The following MYLK variants were observed in gnomAD, a reference collection of about 807,000 sequenced individuals.
The protein encoded by MYLK is myosin light chain kinase.
A neutral mutation model predicts 203.4 loss-of-function variants in MYLK; 106 were observed. The observed-to-expected ratio is 0.52, with a 90% CI of 0.45 to 0.61. MYLK has a LOEUF of 0.61. Ranked by LOEUF, MYLK falls within the 20% of genes least tolerant of loss-of-function variation. MYLK has a pLI of 0.00. For synonymous variants in MYLK, 867 were observed against 959.5 expected, an observed-to-expected ratio of 0.90 and a Z score of 1.78; for missense variants, 2,072 against 2,442.3, an observed-to-expected ratio of 0.85 and a Z score of 3.20.
chr3:123,682,013 C>T (rs1047631075), intron 20 of MYLK: 1 of 631,186 alleles, frequency 1.6e-6, no homozygotes, highest in Non-Finnish European at 2.9e-6. Flanking sequence ...TGGAGACAGG[C>T]TGGAGAGAGC....
intron 23 of MYLK, among the ~76,000 whole-genome samples, chr3:123,661,887 G>T (rs1225786906): frequency 6.6e-6 from 1 of 152,188 alleles, no homozygotes; most frequent in East Asian, 1.9e-4. Flanking sequence ...TCGGGCCAGG[G>T]TGTGGAACCT....
At chr3:123,623,723 A>T (rs1475489918) in intron 31 of MYLK, 1 of 152,242 alleles carries the variant, frequency 6.6e-6, no homozygotes, top group African/African-American at 2.4e-5. Context: ...TGCAAGAGGG[A>T]ACCCTCATAT....
chr3:123,691,234 C>A (rs1255131958), intron 19 of MYLK: 1 of 152,134 alleles, frequency 6.6e-6, no homozygotes, highest in Non-Finnish European at 1.5e-5. Flanking sequence ...CTTTACAGTG[C>A]AGCACCTGTA....
At chr3:123,701,237 C>A (rs1340128933) in intron 17 of MYLK, among the ~76,000 whole-genome samples, 199 of 116,126 alleles carry the variant, frequency 1.7e-3, no homozygotes, top group Admixed American at 2.2e-3. Flanking sequence ...AGGGTGTGTG[C>A]AAAAAAAAAA....
In MYLK at chr3:123,671,599, C is replaced by T. The variant is rs2059914827; in HGVS notation, c.3653-4412G>A. On this transcript the variant is annotated intron_variant, in intron 20 of 33. Coordinates refer to ENST00000360304, the MANE Select transcript of MYLK (RefSeq NM_053025.4). Reference sequence around the variant, plus strand: ...GGGACAGCATGGTCCAAAGTCACCCCAGAGGAGATTCTTGAGCAAACAGTG... The same window carrying T: ...GGGACAGCATGGTCCAAAGTCACCCTAGAGGAGATTCTTGAGCAAACAGTG... Among the ~76,000 whole-genome samples the T allele has an allele frequency of 3.9e-5, 6 of 152,240 alleles. No individual in the cohort carries two copies. The South Asian group carries it at 1.2e-3, about 32-fold the overall frequency.
At chr3:123,715,918 CAACACAT>C (rs2061875848) in intron 13 of MYLK, 1 of 152,220 alleles carries the variant, frequency 6.6e-6, no homozygotes, top group Admixed American at 6.5e-5. Flanking sequence ...AATTTGCATT[CAACACAT>C]GTTTGCCTTA....
At chr3:123,818,174 G>A (rs771990347) in intron 3 of MYLK, among the ~76,000 whole-genome samples, 11 of 152,148 alleles carry the variant, frequency 7.2e-5, no homozygotes, top group Admixed American at 1.3e-4. Context: ...ATGCCTCCCC[G>A]TAAATGGACC....
intron 3 of MYLK, among the ~76,000 whole-genome samples, chr3:123,811,846 A>G (rs2065571751): frequency 6.6e-6 from 1 of 152,198 alleles, no homozygotes; most frequent in Non-Finnish European, 1.5e-5. Flanking sequence ...GTGATTGATT[A>G]GGCCAGAAAG....
chr3:123,683,172 C>T (rs1468560977), intron 19 of MYLK, among the ~76,000 whole-genome samples: 2 of 152,180 alleles, frequency 1.3e-5, no homozygotes, highest in African/African-American at 4.8e-5. Flanking sequence ...AGCACTTTCA[C>T]TGGCCTTCCT....
intron 16 of MYLK, among the ~76,000 whole-genome samples, chr3:123,702,333 G>A (rs1406213210): frequency 2.0e-5 from 3 of 152,302 alleles, no homozygotes; most frequent in African/African-American, 2.4e-5. Flanking sequence ...GCAGGTCTGC[G>A]AGCCAGAGGT....
intron 3 of MYLK, among the ~76,000 whole-genome samples, chr3:123,820,668 T>TTCCTTCCC (rs2065902782): frequency 5.8e-5 from 8 of 139,030 alleles, no homozygotes; most frequent in Admixed American, 2.3e-4. Flanking sequence ...CCTTCCCTCC[T>TTCCTTCCC]TCCTTCCTTC....
intron 2 of MYLK, among the ~76,000 whole-genome samples, chr3:123,868,995 T>C (rs2032547154): frequency 6.6e-6 from 1 of 152,148 alleles, no homozygotes; most frequent in African/African-American, 2.4e-5. Flanking sequence ...GGTGACAAAA[T>C]TGGAACTTTA....
intron 31 of MYLK, 169 bp from the exon 32 acceptor site, chr3:123,620,505 G>C (rs1576322210): frequency 1.3e-6 from 2 of 1,504,796 alleles, no homozygotes; most frequent in African/African-American, 2.8e-5. Context: ...ACCTTGCTCT[G>C]CTCAGCACTG....
chr3:123,734,291 T>A, intron 9 of MYLK, 69 bp from the exon 10 acceptor site: 1 of 1,405,382 alleles, frequency 7.1e-7, no homozygotes, highest in Non-Finnish European at 9.5e-7. Flanking sequence ...ATCTGGTTAC[T>A]CACAAATATT....
intron 4 of MYLK, among the ~76,000 whole-genome samples, chr3:123,758,244 T>G (rs1192817956): frequency 6.6e-6 from 1 of 152,168 alleles, no homozygotes; most frequent in Non-Finnish European, 1.5e-5. Flanking sequence ...GGCAGGCACT[T>G]AATTAAGGCT....
chr3:123,878,420 G>A (rs920645321), intron 1 of MYLK, among the ~76,000 whole-genome samples: 3 of 152,300 alleles, frequency 2.0e-5, no homozygotes, highest in East Asian at 1.9e-4. Context: ...CAGGAAAGGG[G>A]AACAGCACTC....
chr3:123,754,306 CA>C (rs1196162680), intron 4 of MYLK, among the ~76,000 whole-genome samples: 1 of 152,200 alleles, frequency 6.6e-6, no homozygotes, highest in Non-Finnish European at 1.5e-5. Context: ...GTGAATCTCA[CA>C]AGACTGCCTT....
rs868073704 is a variant in MYLK, at chr3:123,823,432, A to C, written c.-4+8116T>G. ...TTCTCACAGCATTTCCCATCCAGGC[A>C]AAAGGCTCCACTGTCCACCCAAGTG... is the stretch of plus-strand genomic sequence containing the variant. On this transcript the variant is annotated intron_variant, in intron 3 of 33. Transcript: ENST00000360304. Among the ~76,000 whole-genome samples, 5 of 152,280 alleles carry C rather than the reference A, an allele frequency of 3.3e-5. No individual in the cohort carries two copies. The Middle Eastern group carries it at 0.01, about 311-fold the overall frequency.
intron 4 of MYLK, among the ~76,000 whole-genome samples, chr3:123,757,526 G>A (rs2063395524): frequency 6.6e-6 from 1 of 152,182 alleles, no homozygotes; most frequent in Non-Finnish European, 1.5e-5. Context: ...CAGGGATGGA[G>A]GAAGACCAGG....
Sources: gnomAD v4.1 joint callset for allele counts (sites outside exome capture counted in the v4.1 genomes callset) on GRCh38, gnomAD v4.1.1 for gene constraint, MANE v1.5 for transcripts, NCBI Gene and HGNC (gene_info 2026-07-23, HGNC 2026-07-21) for gene names.